The following CRIM1 variants were observed in gnomAD, a reference collection of about 807,000 sequenced individuals.
The protein encoded by CRIM1 is cysteine rich transmembrane BMP regulator 1, also known as cysteine-rich motor neuron 1 protein.
In CRIM1, 32 loss-of-function variants were observed where a neutral mutation model predicts 116.4. That is an observed-to-expected ratio of 0.27 (90% CI 0.21 to 0.37). The LOEUF is 0.37. CRIM1 is among the 10% of genes least tolerant of loss of function. The pLI, the probability that CRIM1 is intolerant of heterozygous loss-of-function variation, is 1.00. For missense variants in CRIM1, 1,331 were observed against 1,354.8 expected (o/e 0.98, Z 0.28); for synonymous variants, 590 against 509.2 (o/e 1.16, Z -2.13).
At chr2:36,446,988 C>T (rs540894072) in intron 4 of CRIM1, among the ~76,000 whole-genome samples, 1 of 152,246 alleles carries the variant, frequency 6.6e-6, no homozygotes, top group African/African-American at 2.4e-5. Flanking sequence ...TATTTCTTTG[C>T]AGGGAAGAAA....
chr2:36,511,710 G>C (rs1246732380), intron 9 of CRIM1, among the ~76,000 whole-genome samples: 2 of 152,190 alleles, frequency 1.3e-5, no homozygotes, highest in Admixed American at 1.3e-4. Flanking sequence ...GAACACATGT[G>C]TTAAGGACAC....
chr2:36,479,760 T>A (rs950992506), intron 7 of CRIM1, 66 bp downstream of exon 7: 13 of 1,480,342 alleles, frequency 8.8e-6, no homozygotes, highest in Non-Finnish European at 1.1e-5. Context: ...TCTACCAGCG[T>A]ACGTTCTTGT....
intron 1 of CRIM1, among the ~76,000 whole-genome samples, chr2:36,365,016 T>C (rs1325155868): frequency 1.3e-5 from 2 of 152,214 alleles, no homozygotes; most frequent in Admixed American, 1.3e-4. Flanking sequence ...CAAACTTAAC[T>C]AAATCTCTTC....
At chr2:36,460,559 T>A (rs1160190233) in intron 4 of CRIM1, among the ~76,000 whole-genome samples, 1 of 152,232 alleles carries the variant, frequency 6.6e-6, no homozygotes, top group African/African-American at 2.4e-5. Context: ...TAAAGCTGTT[T>A]TGTTTCATTT....
In CRIM1 at chr2:36,407,261, A is replaced by G. The variant is rs139840393; in HGVS notation, c.505+10474A>G. 6.8e-4 allele frequency among the ~76,000 whole-genome samples: 104 copies of G among 152,300 alleles called. 1 individual carries two copies. In the East Asian group the frequency reaches 7.1e-3, roughly 10 times the overall value. ...CACATATACATATTCGTGTGTATGT[A>G]TATGTATATCTGTAAACACAGATAT... On this transcript the variant is annotated intron_variant, in intron 2 of 16. Transcript: ENST00000280527.
intron 6 of CRIM1, 66 bp from the exon 7 acceptor site, chr2:36,479,431 T>A: frequency 6.6e-7 from 1 of 1,518,604 alleles, no homozygotes; most frequent in Non-Finnish European, 9.1e-7. Context: ...AAAATGTCTC[T>A]GGGTACTGAC....
intron 2 of CRIM1, among the ~76,000 whole-genome samples, chr2:36,423,901 A>C (rs1345837838): frequency 6.6e-6 from 1 of 152,212 alleles, no homozygotes. Flanking sequence ...GAGGAAGCTG[A>C]AGCTAGGAAA....
chr2:36,451,103 G>A lies in CRIM1; in HGVS notation c.869+8368G>A, dbSNP rs573781361. The stretch of plus-strand genomic sequence containing the variant: ...GTACAGATTTTAAAATGCTCCAATC[G>A]GTTAAAACAGTTAAATAATTACATA... On this transcript the variant is annotated intron_variant, in intron 4 of 16. Transcript: ENST00000280527. Among the ~76,000 whole-genome samples the A allele has an allele frequency of 2.4e-4, 36 of 152,242 alleles. No individual in the cohort carries two copies. In the South Asian group the frequency reaches 6.2e-3, roughly 26 times the overall value.
intron 8 of CRIM1, among the ~76,000 whole-genome samples, chr2:36,501,246 C>T (rs948415903): frequency 6.6e-6 from 1 of 152,186 alleles, no homozygotes; most frequent in Non-Finnish European, 1.5e-5. Context: ...GACAGATGCT[C>T]ACTTTCTGAT....
chr2:36,397,791 T>C (rs1406498809), intron 2 of CRIM1, among the ~76,000 whole-genome samples: 2 of 152,204 alleles, frequency 1.3e-5, no homozygotes, highest in African/African-American at 4.8e-5. Context: ...TATTTACCAG[T>C]GCTCCTGAAT....
chr2:36,513,429 A>G (rs1664821172), intron 10 of CRIM1, 127 bp from the exon 11 acceptor site: 10 of 702,110 alleles, frequency 1.4e-5, no homozygotes, highest in Admixed American at 1.1e-4. Flanking sequence ...AACATGTCCC[A>G]TGTCACAAAC....
intron 9 of CRIM1, among the ~76,000 whole-genome samples, chr2:36,510,596 C>T (rs141360759): frequency 1.6e-3 from 240 of 152,308 alleles, no homozygotes; most frequent in African/African-American, 5.3e-3. Context: ...CTAGGTGTCT[C>T]ACCTTGGAAC....
intron 8 of CRIM1, among the ~76,000 whole-genome samples, chr2:36,508,185 C>T (rs1386090296): frequency 6.6e-6 from 1 of 152,110 alleles, no homozygotes; most frequent in Non-Finnish European, 1.5e-5. Flanking sequence ...AGTTGCTTTA[C>T]AGTGTAATAC....
At position 36,377,027 on chromosome 2, in the gene CRIM1, G is replaced by A. The variant is rs900652349; in HGVS notation, c.332-19587G>A. 3.3e-5 allele frequency among the ~76,000 whole-genome samples: 5 copies of A among 152,190 alleles called. No homozygotes were observed. The East Asian group carries it at 9.7e-4, about 30-fold the overall frequency. On this transcript the variant is annotated intron_variant, in intron 1 of 16. Transcript: ENST00000280527. ...GTTGGTCACTGATTTCCCCTTTCAG[G>A]GTCTGAATCCCTTTCCCTTGCCTCC...
At chr2:36,431,175 G>T (rs188302517) in intron 2 of CRIM1, among the ~76,000 whole-genome samples, 8 of 152,104 alleles carry the variant, frequency 5.3e-5, no homozygotes, top group African/African-American at 1.9e-4. Context: ...GGGACATCGC[G>T]TTAGGTGTTA....
At chr2:36,471,858 T>C (rs1678550427) in intron 5 of CRIM1, among the ~76,000 whole-genome samples, 1 of 152,152 alleles carries the variant, frequency 6.6e-6, no homozygotes, top group South Asian at 2.1e-4. Context: ...TACAGTACAG[T>C]GTAAACATAA....
chr2:36,374,420 C>T (rs1670162432), intron 1 of CRIM1, among the ~76,000 whole-genome samples: 3 of 152,142 alleles, frequency 2.0e-5, no homozygotes, highest in Non-Finnish European at 2.9e-5. Context: ...ATCTAAAATG[C>T]TCTTGTTCCA....
In CRIM1 at chr2:36,542,397, G is replaced by A. The variant is rs894844118; in HGVS notation, c.2624-1979G>A. ...CTGTTTCCAAGTAGAGCCCCTGTGGGAAGAGGACTCACTGTCATGCCTCAG... is the reference window on the plus strand; with the variant it reads ...CTGTTTCCAAGTAGAGCCCCTGTGGAAAGAGGACTCACTGTCATGCCTCAG... On this transcript the variant is annotated intron_variant, in intron 14 of 16. Coordinates refer to ENST00000280527, the MANE Select transcript of CRIM1 (RefSeq NM_016441.3). Among the ~76,000 whole-genome samples, 4 of 152,210 alleles carry A rather than the reference G, an allele frequency of 2.6e-5. 1 individual carries two copies. The highest frequency in any genetic ancestry group is 2.6e-4 in the Admixed American group (4 of 15,288).
chr2:36,496,907 A>T (rs907121251), intron 7 of CRIM1, among the ~76,000 whole-genome samples: 1 of 152,212 alleles, frequency 6.6e-6, no homozygotes, highest in Non-Finnish European at 1.5e-5. Context: ...ATTTTTTAAA[A>T]AACAGCACAT....
Sources: allele counts gnomAD v4.1 joint callset (sites outside exome capture counted in the v4.1 genomes callset), GRCh38; gene constraint gnomAD v4.1.1; transcripts MANE v1.5; gene names NCBI Gene and HGNC (gene_info 2026-07-23, HGNC 2026-07-21).